The following PARP2 variants were observed in gnomAD, a reference collection of about 807,000 sequenced individuals.
PARP2 encodes the protein poly(ADP-ribose) polymerase 2.
A neutral mutation model predicts 77.8 loss-of-function variants in PARP2; 57 were observed. The ratio of observed to expected loss-of-function variants is 0.73; its 90% CI spans 0.59 to 0.91. The LOEUF is 0.91. PARP2 is among the 40% of genes least tolerant of loss of function. PARP2 has a pLI of 0.00. For synonymous variants in PARP2, 226 were observed against 242.6 expected (o/e 0.93, Z 0.64); for missense variants, 651 against 689.0 (o/e 0.94, Z 0.62).
chr14:20,356,803 G>C (rs1884170880), intron 13 of PARP2, 114 bp downstream of exon 13: 2 of 831,464 alleles, frequency 2.4e-6, no homozygotes, highest in African/African-American at 1.7e-5. Context: ...AGTTAAGCCA[G>C]CTCACTGATA....
rs749356453 is a variant in PARP2 at position 20,357,042 on chromosome 14, A to G, written c.1330-9A>G. On this transcript the variant is annotated splice_polypyrimidine_tract_variant and intron_variant, in intron 13 of 15. Transcript: ENST00000429687. ...GAAGCTGACCTTGGTATTCATGTAT[A>G]TATTTCAGTTTGGGAAAGGAATCTA... is the stretch of plus-strand genomic sequence containing the variant. 7 of 1,553,916 alleles carry G rather than the reference A, an allele frequency of 4.5e-6. No individual in the cohort carries two copies. Among genetic ancestry groups the G allele is most frequent in the South Asian group, 4.4e-5 (4 of 89,916 alleles).
chr14:20,346,660 A>G, intron 3 of PARP2: 3 of 502,572 alleles, frequency 6.0e-6, no homozygotes, highest in Non-Finnish European at 1.1e-5. Flanking sequence ...GTATAGTTAA[A>G]AAAAAGGAAG....
At chr14:20,343,782 C>G (rs974403369) in intron 1 of PARP2, 95 bp downstream of exon 1, 2 of 1,329,382 alleles carry the variant, frequency 1.5e-6, no homozygotes, top group African/African-American at 2.9e-5. Flanking sequence ...TTCCAGCTCC[C>G]TATAACCTGC....
At chr14:20,345,355 T>A (rs1883675153) in intron 2 of PARP2, 39 bp from the exon 3 acceptor site, 3 of 1,549,462 alleles carry the variant, frequency 1.9e-6, no homozygotes, top group Non-Finnish European at 2.7e-6. Flanking sequence ...ACAGCTGTTT[T>A]TGATTCCCAT....
chr14:20,354,942 C>T lies in PARP2; in HGVS notation c.897C>T (p.Asp299=). 3 of 1,613,192 alleles carry T rather than the reference C, an allele frequency of 1.9e-6. No homozygotes were observed. Among genetic ancestry groups the T allele is most frequent in the Non-Finnish European group, 2.5e-6 (3 of 1,179,498 alleles). ...CNEFYTRIPH[D]FGLRTPPLIR... ...AATTCTACACCAGGATTCCGCATGA[C>T]TTTGGGTAAGGCCTGTGCTGTTACT... The change falls in exon 9 of 16, where the codon GAC becomes GAT. Residue 299 remains aspartate (D), a synonymous_variant. Transcript: ENST00000429687.
At chr14:20,349,771 G>A (rs942423880) in intron 4 of PARP2, among the ~76,000 whole-genome samples, 3 of 151,786 alleles carry the variant, frequency 2.0e-5, no homozygotes, top group South Asian at 4.2e-4. Flanking sequence ...TTTAGAATGT[G>A]AGCAAGCAGG....
At chr14:20,350,158 T>C (rs894275902) in intron 4 of PARP2, among the ~76,000 whole-genome samples, 20 of 152,240 alleles carry the variant, frequency 1.3e-4, no homozygotes, top group Admixed American at 5.9e-4. Flanking sequence ...CAAATTGTTT[T>C]CATTTGGGAA....
intron 4 of PARP2, among the ~76,000 whole-genome samples, chr14:20,348,448 G>A (rs1037145696): frequency 4.0e-5 from 6 of 150,836 alleles, no homozygotes; most frequent in African/African-American, 1.5e-4. Flanking sequence ...GCTCAGGCTG[G>A]CCTTGAACTT....
At chr14:20,346,320 T>G (rs912544766) in intron 3 of PARP2, among the ~76,000 whole-genome samples, 1 of 131,190 alleles carries the variant, frequency 7.6e-6, no homozygotes, top group Non-Finnish European at 1.6e-5. Flanking sequence ...TCAGTTAGAA[T>G]CTTTTTTTTT....
chr14:20,347,144 T>G (rs1235147128), intron 4 of PARP2, among the ~76,000 whole-genome samples: 1 of 150,102 alleles, frequency 6.7e-6, no homozygotes, highest in East Asian at 2.0e-4. Flanking sequence ...TTCTCCTGCC[T>G]CAGCCTCCCA....
chr14:20,356,665 T>A lies in PARP2; in HGVS notation c.1305T>A (p.Pro435=), dbSNP rs370863383. The part of the protein sequence containing the change: ...ILSHGLRIAP[P]EAPITGYMFG... Reference sequence around the variant, plus strand: ...GCCATGGGCTTCGAATTGCCCCACCTGAAGCTCCCATCACAGGTTACATGG... The same window carrying A: ...GCCATGGGCTTCGAATTGCCCCACCAGAAGCTCCCATCACAGGTTACATGG... Residue 435 remains proline, a synonymous_variant, in exon 13 of 16, where the codon CCT becomes CCA. Transcript: ENST00000429687. 9 of 1,613,422 alleles carry A rather than the reference T, an allele frequency of 5.6e-6. No homozygotes were observed. The highest frequency in any genetic ancestry group is 6.8e-6 in the Non-Finnish European group (8 of 1,179,458).
chr14:20,347,658 A>T (rs1883818217), intron 4 of PARP2, among the ~76,000 whole-genome samples: 1 of 150,584 alleles, frequency 6.6e-6, no homozygotes, highest in Non-Finnish European at 1.5e-5. Flanking sequence ...TGATCCACCC[A>T]CCTCACCCTC....
chr14:20,351,199 A>T, intron 6 of PARP2, 77 bp downstream of exon 6: 3 of 1,045,402 alleles, frequency 2.9e-6, no homozygotes, highest in Non-Finnish European at 4.3e-6. Flanking sequence ...ATTTTTTTTT[A>T]GACAGTTTCA....
rs183840359 is a variant in PARP2, at chr14:20,345,325, C to A, written c.203-69C>A. ...GTTGGGCGGGCAAAGTTAATCCTGA[C>A]AAGTTTCTGTTTTACCACAACAGCT... On this transcript the variant is annotated intron_variant, in intron 2 of 15. Coordinates refer to ENST00000429687, the MANE Select transcript of PARP2 (RefSeq NM_001042618.2). 10 of 1,382,082 alleles carry A rather than the reference C, an allele frequency of 7.2e-6. No homozygotes were observed. In the East Asian group the frequency reaches 2.3e-4, roughly 32 times the overall value. The allele number at this position is 1,382,082 out of a possible 1,614,324, so 85.6% of individuals were successfully genotyped here. A position where few individuals can be genotyped will look rare whatever the true frequency, so the allele number is the denominator to read the frequency against.
chr14:20,351,682 T>G (rs540549566), intron 6 of PARP2, among the ~76,000 whole-genome samples: 1 of 152,166 alleles, frequency 6.6e-6, no homozygotes, highest in East Asian at 1.9e-4. Flanking sequence ...CTGACAAATT[T>G]AGGAAATTTG....
rs769072188 is a variant in PARP2, at chr14:20,354,875, G to C, written c.830G>C (p.Arg277Pro). The change falls in exon 9 of 16, where the codon CGG becomes CCG. Residue 277 changes from arginine (R) to proline (P), a missense_variant. Coordinates refer to ENST00000429687, the MANE Select transcript of PARP2 (RefSeq NM_001042618.2). ...CTTAAGAAGATTGAGGATTGTATTC[G>C]GGCTGGCCAGCATGGACGAGCTCTC... ...QSLKKIEDCI[R>P]AGQHGRALME... 1.3e-5 allele frequency: 21 copies of C among 1,613,746 alleles called. No homozygotes were observed. The highest frequency in any genetic ancestry group is 1.8e-5 in the Non-Finnish European group (21 of 1,179,918).
intron 9 of PARP2, chr14:20,355,185 G>T (rs1884100206): frequency 2.4e-6 from 1 of 415,524 alleles, no homozygotes. Context: ...CAACCCAAGA[G>T]AGAATGGGTC....
At chr14:20,351,219 C>A in intron 6 of PARP2, 97 bp downstream of exon 6, 2 of 791,776 alleles carry the variant, frequency 2.5e-6, no homozygotes, top group Middle Eastern at 2.8e-4. Flanking sequence ...ACTCTTGTTG[C>A]CCAGGCTGGA....
chr14:20,355,191 G>A (rs548534829), intron 9 of PARP2: 64 of 380,436 alleles, frequency 1.7e-4, no homozygotes, highest in Admixed American at 3.8e-4. Flanking sequence ...AAGAGAGAAT[G>A]GGTCTAGCTA....
Sources: gnomAD v4.1 joint callset for allele counts (sites outside exome capture counted in the v4.1 genomes callset) on GRCh38, gnomAD v4.1.1 for gene constraint, MANE v1.5 for transcripts, NCBI Gene and HGNC (gene_info 2026-07-23, HGNC 2026-07-21) for gene names.